Variants in FER1L5 observed in about 807,000 individuals in gnomAD.
FER1L5 encodes fer-1-like protein 5.
A neutral mutation model predicts 279.9 loss-of-function variants in FER1L5; 187 were observed. The observed-to-expected ratio is 0.67, with a 90% CI of 0.59 to 0.75. FER1L5 has a LOEUF of 0.75. Ranked by LOEUF, FER1L5 falls within the 30% of genes least tolerant of loss-of-function variation. The probability of loss-of-function intolerance (pLI) is 0.00; values close to 1 mark genes in which losing one functional copy is unlikely to be tolerated. For synonymous variants in FER1L5, 921 were observed against 989.7 expected (o/e 0.93, Z 1.30); for missense variants, 2,091 against 2,594.4 (o/e 0.81, Z 4.21).
Position 96,702,708 on chromosome 2 carries a change from GGCGGC to G in FER1L5, c.5366_5370del (p.Ala1789GlyfsTer34). 2 of 1,613,162 alleles carry G rather than the reference GGCGGC, an allele frequency of 1.2e-6. No homozygotes were observed. Among genetic ancestry groups the G allele is most frequent in the African/African-American group, 2.7e-5 (2 of 75,038 alleles). ...GGTTCATCTTTACCATGGACTACCT[GGCGGC>G]GGAGCGCACGTGTGTCCAGAGCCAG... On this transcript the variant is annotated frameshift_variant, in exon 48 of 53. Transcript: ENST00000624922. LOFTEE classifies it high-confidence loss of function. This position sits in a 1 kb window ranked among gnomAD's most constrained non-coding sequence, Gnocchi z 4.0.
chr2:96,670,271 C>G, intron 18 of FER1L5, 24 bp downstream of exon 18: 1 of 1,549,806 alleles, frequency 6.5e-7, no homozygotes, highest in Non-Finnish European at 8.7e-7. Context: ...ACAGGTAACC[C>G]AGGGAAAAAC....
rs752809484 is a variant in FER1L5, at chr2:96,702,358, G to A, written c.5212G>A (p.Asp1738Asn). ...GACTGCCAATGTGGACCTGGTGGATGACAATTTAAGTAGAGAGAAGACGAG... is the reference window on the plus strand; with the variant it reads ...GACTGCCAATGTGGACCTGGTGGATAACAATTTAAGTAGAGAGAAGACGAG... ...WKTANVDLVDDNLSREKTSDI... is the reference protein window; with the variant it reads ...WKTANVDLVDNNLSREKTSDI... Residue 1738 changes from aspartate (D) to asparagine (N), a missense_variant, in exon 47 of 53, where the codon GAC (aspartate) becomes AAC (asparagine). By Grantham distance (23) the Asp-to-Asn change is conservative. Coordinates refer to ENST00000624922, the MANE Select transcript of FER1L5 (RefSeq NM_001293083.2). The surrounding 1 kb of genome is among the most constrained non-coding windows in gnomAD (Gnocchi z 4.0). 6.2e-7 allele frequency: 1 copy of A among 1,613,172 alleles called. No homozygotes were observed. Among genetic ancestry groups the A allele is most frequent in the Non-Finnish European group, 8.5e-7 (1 of 1,179,638 alleles).
chr2:96,687,323 A>C (rs116716199), intron 23 of FER1L5, among the ~76,000 whole-genome samples: 7,636 of 152,250 alleles, frequency 0.05, 621 homozygotes, highest in African/African-American at 0.17. Context: ...TCCTTCCATG[A>C]CCACCAGAGT....
Position 96,704,758 on chromosome 2 carries a change from CTT to C in FER1L5, c.*68_*69del, listed in dbSNP as rs1326824309. ...CCTCCCCTTGGGCTGGCTACCAGTTCTTTGTTTCTATCTTCTAGAATATATGC... is the reference window on the plus strand; with the variant it reads ...CCTCCCCTTGGGCTGGCTACCAGTTCTGTTTCTATCTTCTAGAATATATGC... On this transcript the variant is annotated 3_prime_UTR_variant, in exon 53 of 53. Coordinates refer to ENST00000624922, the MANE Select transcript of FER1L5 (RefSeq NM_001293083.2). 9.6e-6 allele frequency: 12 copies of C among 1,254,832 alleles called. No homozygotes were observed. In the African/African-American group the frequency reaches 1.8e-4, roughly 19 times the overall value. 77.7% of individuals were successfully genotyped at this position (1,254,832 alleles called of 1,614,324 possible). A position where few individuals can be genotyped will look rare whatever the true frequency, so the allele number is the denominator to read the frequency against.
Position 96,647,067 on chromosome 2 carries a change from C to G in FER1L5, c.142C>G (p.Leu48Val). The change falls in exon 3 of 53, where the codon CTA becomes GTA. Residue 48 changes from leucine to valine, a missense_variant. By Grantham distance (32) the Leu-to-Val change is conservative (BLOSUM62 1). Transcript: ENST00000624922. ...EGNDPVWNET[L>V]IWHLWNRPLE... ...GACCTCTCTATGCCCCCCACAGACC[C>G]TAATCTGGCACCTCTGGAACCGCCC... 2 of 1,551,622 alleles carry G rather than the reference C, an allele frequency of 1.3e-6. No individual in the cohort carries two copies. The highest frequency in any genetic ancestry group is 1.7e-6 in the Non-Finnish European group (2 of 1,146,960).
At chr2:96,661,106 C>G (rs1382388212) in intron 10 of FER1L5, among the ~76,000 whole-genome samples, 1 of 152,202 alleles carries the variant, frequency 6.6e-6, no homozygotes, top group African/African-American at 2.4e-5. Context: ...AAGGCATAAA[C>G]AGGGGTCCCT....
At chr2:96,651,782 C>A in intron 6 of FER1L5, 110 bp from the exon 7 acceptor site, 1 of 1,454,512 alleles carries the variant, frequency 6.9e-7, no homozygotes, top group Non-Finnish European at 9.3e-7. Flanking sequence ...GCTGGGATTA[C>A]AGGCATGAGC....
At chr2:96,670,031 C>G in intron 17 of FER1L5, 88 bp from the exon 18 acceptor site, 1 of 1,518,540 alleles carries the variant, frequency 6.6e-7, no homozygotes, top group African/African-American at 1.4e-5. Context: ...GACTGGACAA[C>G]CTTGTCTTTG....
chr2:96,679,348 T>C (rs1296647045), intron 19 of FER1L5, among the ~76,000 whole-genome samples: 1 of 152,070 alleles, frequency 6.6e-6, no homozygotes, highest in Admixed American at 6.6e-5. Flanking sequence ...CTCAGCCTCC[T>C]GAGTAGCTGA....
At chr2:96,667,864 T>A (rs946290590) in intron 14 of FER1L5, among the ~76,000 whole-genome samples, 3 of 149,878 alleles carry the variant, frequency 2.0e-5, no homozygotes, top group East Asian at 2.4e-4. Flanking sequence ...ATTAGGGGAC[T>A]TTTTTTTCTT....
intron 19 of FER1L5, among the ~76,000 whole-genome samples, chr2:96,683,771 C>T (rs2076820219): frequency 6.6e-6 from 1 of 152,222 alleles, no homozygotes; most frequent in Admixed American, 6.5e-5. Context: ...GTTAAATGTT[C>T]GTTTTCTGTG....
At chr2:96,697,796 T>C in intron 39 of FER1L5, 35 bp downstream of exon 39, 2 of 1,606,964 alleles carry the variant, frequency 1.2e-6, no homozygotes, top group East Asian at 4.5e-5. Context: ...TGGAATCAAA[T>C]CTCCCACTGG....
At chr2:96,669,340 G>A (rs1005805322) in intron 17 of FER1L5, among the ~76,000 whole-genome samples, 2 of 152,188 alleles carry the variant, frequency 1.3e-5, no homozygotes, top group East Asian at 3.8e-4. Context: ...GGAAGCTCTG[G>A]GCTTTCCCTG....
chr2:96,675,943 A>G (rs1320990347), intron 19 of FER1L5, among the ~76,000 whole-genome samples: 1 of 152,160 alleles, frequency 6.6e-6, no homozygotes, highest in Non-Finnish European at 1.5e-5. Flanking sequence ...TCAATTTTAT[A>G]GTTAGTAGAT....
rs201734286 is a variant in FER1L5 at position 96,658,587 on chromosome 2, G to GT, written c.748-1746dup. Among the ~76,000 whole-genome samples the GT allele has an allele frequency of 3.3e-3, 503 of 152,014 alleles. 3 individuals are homozygous for GT. The highest frequency in any genetic ancestry group is 3.4e-3 in the Non-Finnish European group (233 of 67,966). ...AACTTTTTAAGGAAAATTTCTAAAA[G>GT]TTTTTTTTCCAAAATTCCAAACAGG... is the stretch of plus-strand genomic sequence containing the variant. On this transcript the variant is annotated intron_variant, in intron 9 of 52. Coordinates refer to ENST00000624922, the MANE Select transcript of FER1L5 (RefSeq NM_001293083.2).
Position 96,652,018 on chromosome 2 carries a change from GAGGTGGGCTGAACGGGGCACATC to G in FER1L5, c.633+2_633+24del. The G allele has an allele frequency of 6.4e-7, 1 of 1,551,722 alleles. No individual in the cohort carries two copies. The highest frequency in any genetic ancestry group is 8.7e-7 in the Non-Finnish European group (1 of 1,147,000). ...GATGGGAAACAACCCTTTCTTTAATGAGGTGGGCTGAACGGGGCACATCAGGCAAGGAGCCAGCCAAGGGCTGG... is the reference window on the plus strand; with the variant it reads ...GATGGGAAACAACCCTTTCTTTAATGAGGCAAGGAGCCAGCCAAGGGCTGG... On this transcript the variant is annotated splice_donor_variant and splice_donor_5th_base_variant and coding_sequence_variant and intron_variant, in exon 7 of 53. Coordinates refer to ENST00000624922, the MANE Select transcript of FER1L5 (RefSeq NM_001293083.2). LOFTEE classifies it high-confidence loss of function.
At chr2:96,648,744 C>T (rs994702590) in intron 4 of FER1L5, among the ~76,000 whole-genome samples, 3 of 152,210 alleles carry the variant, frequency 2.0e-5, no homozygotes, top group Non-Finnish European at 4.4e-5. Flanking sequence ...GGGCTGGTTG[C>T]TGCAGATGGT....
chr2:96,686,626 G>A (rs1244084768), intron 23 of FER1L5, among the ~76,000 whole-genome samples: 2 of 152,024 alleles, frequency 1.3e-5, no homozygotes, highest in South Asian at 2.1e-4. Context: ...AGGCTGAGGC[G>A]GGTGGATCAC....
intron 18 of FER1L5, 32 bp downstream of exon 18, chr2:96,670,279 A>C: frequency 6.5e-7 from 1 of 1,549,618 alleles, no homozygotes; most frequent in Non-Finnish European, 8.7e-7. Flanking sequence ...CCCAGGGAAA[A>C]ACAAGAGCCC....
Sources: gnomAD v4.1 joint callset for allele counts (sites outside exome capture counted in the v4.1 genomes callset) on GRCh38, gnomAD v4.1.1 for gene constraint, Gnocchi (gnomAD v3.1) non-coding constraint, MANE v1.5 for transcripts, NCBI Gene and HGNC (gene_info 2026-07-23, HGNC 2026-07-21) for gene names.